Variants in KYNU observed in about 807,000 individuals in gnomAD.
The protein encoded by KYNU is L-kynurenine hydrolase.
KYNU carries 54 observed loss-of-function variants against 59.2 expected under a neutral mutation model. That is an observed-to-expected ratio of 0.91 (90% CI 0.73 to 1.14). The LOEUF (loss-of-function observed/expected upper bound fraction) is 1.14. Ranked by LOEUF, KYNU falls within the 50% of genes most tolerant of loss-of-function variation. The pLI is 0.00. For synonymous variants in KYNU, 177 were observed against 192.0 expected, an observed-to-expected ratio of 0.92 and a Z score of 0.65; for missense variants, 567 against 554.4, an observed-to-expected ratio of 1.02 and a Z score of -0.23.
intron 2 of KYNU, among the ~76,000 whole-genome samples, chr2:142,897,774 C>G (rs905411327): frequency 6.6e-6 from 1 of 152,144 alleles, no homozygotes; most frequent in African/African-American, 2.4e-5. Context: ...CCTACGATAT[C>G]TAAACAGGAG....
At chr2:142,883,866 C>T (rs1573745423) in intron 1 of KYNU, among the ~76,000 whole-genome samples, 2 of 152,326 alleles carry the variant, frequency 1.3e-5, no homozygotes, top group East Asian at 3.9e-4. Context: ...CTCTCATACA[C>T]TGCTGTCCTG....
chr2:142,987,485 G>T (rs1229861191), intron 10 of KYNU, among the ~76,000 whole-genome samples: 2 of 151,938 alleles, frequency 1.3e-5, no homozygotes, highest in African/African-American at 2.4e-5. Flanking sequence ...TCATTTTGTG[G>T]AATTTCAAAA....
chr2:142,918,577 T>A (rs546125689), intron 2 of KYNU, 32 bp from the exon 3 acceptor site: 19,771 of 1,379,056 alleles, frequency 0.014, 33 homozygotes, highest in Non-Finnish European at 0.015. Context: ...CTTTTATTTT[T>A]TTTTTTTTTT....
At chr2:142,887,602 C>G (rs537309136) in intron 2 of KYNU, among the ~76,000 whole-genome samples, 5 of 152,246 alleles carry the variant, frequency 3.3e-5, no homozygotes, top group South Asian at 2.1e-4. Context: ...GAACCATGCT[C>G]TACATGGTTC....
intron 4 of KYNU, among the ~76,000 whole-genome samples, chr2:142,949,903 A>G (rs565274782): frequency 4.0e-4 from 61 of 152,290 alleles, no homozygotes; most frequent in African/African-American, 1.3e-3. Flanking sequence ...CTCTTTTCAA[A>G]TGGAATGCCT....
Position 143,047,091 on chromosome 2 carries a change from G to T in KYNU, c.*4919G>T, listed in dbSNP as rs1687178278. On this transcript the variant is annotated 3_prime_UTR_variant, in exon 14 of 14. Coordinates refer to ENST00000264170, the MANE Select transcript of KYNU (RefSeq NM_003937.3). ...TTTTGTTGTTGTTTTAAAAGACAGG[G>T]TCTCCCTCTGTCACCCAGGCTGGAG... is the stretch of plus-strand genomic sequence containing the variant. 1 of 151,894 alleles carries T rather than the reference G, an allele frequency of 6.6e-6. No individual in the cohort carries two copies. Among genetic ancestry groups the T allele is most frequent in the Non-Finnish European group, 1.5e-5 (1 of 68,010 alleles). 9.4% of individuals were successfully genotyped at this position (151,894 alleles called of 1,614,324 possible). A position where few individuals can be genotyped will look rare whatever the true frequency, so the allele number is the denominator to read the frequency against.
intron 8 of KYNU, among the ~76,000 whole-genome samples, chr2:142,962,929 G>T (rs560701393): frequency 3.9e-5 from 6 of 152,122 alleles, no homozygotes; most frequent in Non-Finnish European, 8.8e-5. Context: ...AGAAATTAAA[G>T]GTGTCAATCA....
intron 9 of KYNU, among the ~76,000 whole-genome samples, chr2:142,985,403 C>T (rs1685170087): frequency 6.6e-6 from 1 of 151,426 alleles, no homozygotes; most frequent in Admixed American, 6.6e-5. Context: ...TCTTCAATTC[C>T]TTGGCTGCTA....
intron 10 of KYNU, among the ~76,000 whole-genome samples, chr2:143,003,465 C>T (rs1685770346): frequency 6.6e-6 from 1 of 152,050 alleles, no homozygotes; most frequent in Non-Finnish European, 1.5e-5. Flanking sequence ...CACCTATAAT[C>T]CCCGCTATTC....
chr2:142,929,841 C>T (rs144752361), intron 4 of KYNU, among the ~76,000 whole-genome samples: 112 of 152,298 alleles, frequency 7.4e-4, no homozygotes, highest in African/African-American at 2.5e-3. Context: ...GATAAAGTCT[C>T]ATAGGTGGCT....
intron 10 of KYNU, among the ~76,000 whole-genome samples, chr2:143,015,969 TC>T (rs772593883): frequency 6.6e-6 from 1 of 152,198 alleles, no homozygotes; most frequent in Non-Finnish European, 1.5e-5. Flanking sequence ...ATAGTCTATT[TC>T]CTCACACCTG....
At chr2:142,972,813 T>TATATATATATAGAG (rs1478067181) in intron 8 of KYNU, among the ~76,000 whole-genome samples, 6 of 124,200 alleles carry the variant, frequency 4.8e-5, no homozygotes, top group African/African-American at 1.6e-4. Flanking sequence ...TATATATATA[T>TATATATATATAGAG]AGAGAGAGAG....
chr2:142,931,533 A>G (rs1039165653), intron 4 of KYNU, among the ~76,000 whole-genome samples: 17 of 152,120 alleles, frequency 1.1e-4, no homozygotes, highest in African/African-American at 4.1e-4. Context: ...CTGTGTCTGG[A>G]TTAAGGAGGG....
chr2:143,002,517 C>T (rs1685733584), intron 10 of KYNU, among the ~76,000 whole-genome samples: 2 of 152,138 alleles, frequency 1.3e-5, no homozygotes, highest in South Asian at 4.1e-4. Flanking sequence ...GTCAGATATA[C>T]CCAGCAATCA....
intron 1 of KYNU, among the ~76,000 whole-genome samples, chr2:142,883,501 A>G (rs563715006): frequency 8.6e-5 from 13 of 151,760 alleles, no homozygotes; most frequent in South Asian, 2.1e-4. Context: ...CCTGGCCCCA[A>G]ATTTCTTTAT....
intron 10 of KYNU, among the ~76,000 whole-genome samples, chr2:143,025,628 A>AT (rs1250885212): frequency 7.8e-6 from 1 of 127,868 alleles, no homozygotes; most frequent in African/African-American, 3.5e-5. Context: ...TACTTTAGAT[A>AT]ATTTTTTTTT....
intron 2 of KYNU, among the ~76,000 whole-genome samples, chr2:142,909,160 A>G (rs1450906868): frequency 1.0e-5 from 1 of 97,280 alleles, no homozygotes; most frequent in Non-Finnish European, 1.9e-5. Flanking sequence ...ACATATATCA[A>G]GTTTTTTTTT....
intron 4 of KYNU, among the ~76,000 whole-genome samples, chr2:142,941,836 A>G (rs969475458): frequency 2.0e-5 from 3 of 152,192 alleles, no homozygotes; most frequent in African/African-American, 4.8e-5. Flanking sequence ...AATTAAATAC[A>G]TATTAGTCAG....
At chr2:142,891,062 T>C (rs182810737) in intron 2 of KYNU, among the ~76,000 whole-genome samples, 11 of 152,328 alleles carry the variant, frequency 7.2e-5, no homozygotes, top group Admixed American at 3.9e-4. Flanking sequence ...AGCTGGCTAA[T>C]AGCAGAACCA....
Sources: allele counts gnomAD v4.1 joint callset (sites outside exome capture counted in the v4.1 genomes callset), GRCh38; gene constraint gnomAD v4.1.1; transcripts MANE v1.5; gene names NCBI Gene and HGNC (gene_info 2026-07-23, HGNC 2026-07-21).